ADCY9: variants seen among roughly 807,000 people sequenced by gnomAD.
ADCY9 encodes the protein adenylate cyclase type 9.
ADCY9 carries 50 observed loss-of-function variants against 101.5 expected under a neutral mutation model. The observed-to-expected ratio is 0.49, with a 90% CI of 0.39 to 0.62. The LOEUF (loss-of-function observed/expected upper bound fraction) is 0.62. Ranked by LOEUF, ADCY9 falls within the 20% of genes least tolerant of loss-of-function variation. The probability of loss-of-function intolerance (pLI) is 0.00; values close to 1 mark genes in which losing one functional copy is unlikely to be tolerated. For synonymous variants in ADCY9, 905 were observed against 769.3 expected (o/e 1.18, Z -2.92); for missense variants, 1,662 against 1,800.4 (o/e 0.92, Z 1.39).
intron 2 of ADCY9, among the ~76,000 whole-genome samples, chr16:4,077,862 G>C (rs2056877418): frequency 6.6e-6 from 1 of 151,526 alleles, no homozygotes; most frequent in African/African-American, 2.4e-5. Flanking sequence ...AATTAGCCAG[G>C]CGTGGTGGTG....
At position 4,114,970 on chromosome 16, in the gene ADCY9, C is replaced by A; in HGVS notation, c.473G>T (p.Gly158Val). The A allele has an allele frequency of 6.2e-7, 1 of 1,614,046 alleles. No homozygotes were observed. Among genetic ancestry groups the A allele is most frequent in the Non-Finnish European group, 8.5e-7 (1 of 1,180,030 alleles). Residue 158 changes from glycine (G) to valine (V), a missense_variant, in exon 2 of 11, where the codon GGC (glycine) becomes GTC (valine). Gly to Val is a moderately radical substitution (Grantham distance 109, BLOSUM62 -3). This residue lies in a region of ADCY9 where 422 missense variants were observed against 392.0 expected (regional missense o/e 1.08). Coordinates refer to ENST00000294016, the MANE Select transcript of ADCY9 (RefSeq NM_001116.4). The surrounding 1 kb of genome is among the most constrained non-coding windows in gnomAD (Gnocchi z 4.3). ...CTTGGTGAAGGTAAACAGAAAGAAG[C>A]CCACACACACCAGGAGGAAGCACAG... ...PALCFLLVCV[G>V]FFLFTFTKLY...
chr16:3,978,390 T>A (rs2056111332), intron 8 of ADCY9, among the ~76,000 whole-genome samples: 2 of 152,268 alleles, frequency 1.3e-5, no homozygotes, highest in South Asian at 4.1e-4. Context: ...GCCGTGCTGG[T>A]TCCCTCTCCA....
At chr16:4,065,837 G>A (rs962906977) in intron 2 of ADCY9, among the ~76,000 whole-genome samples, 4 of 152,210 alleles carry the variant, frequency 2.6e-5, no homozygotes, top group African/African-American at 9.6e-5. Flanking sequence ...CCAAAGTCCT[G>A]GGATTACAGG....
chr16:4,092,129 G>C (rs1394172124), intron 2 of ADCY9, among the ~76,000 whole-genome samples: 1 of 152,184 alleles, frequency 6.6e-6, no homozygotes, highest in Non-Finnish European at 1.5e-5. Flanking sequence ...AATTAGACAG[G>C]TGTGGTGGCG....
At chr16:3,979,382 G>T in intron 7 of ADCY9, 107 bp from the exon 8 acceptor site, 2 of 1,356,046 alleles carry the variant, frequency 1.5e-6, no homozygotes, top group South Asian at 1.3e-5. Flanking sequence ...TCTCTCCCGT[G>T]TTGCCCCTGG....
chr16:4,097,031 G>C (rs1200885507), intron 2 of ADCY9, among the ~76,000 whole-genome samples: 1 of 152,116 alleles, frequency 6.6e-6, no homozygotes. Flanking sequence ...GAATTACCAG[G>C]AGCTACAATA....
At chr16:4,058,665 A>T (rs1379420819) in intron 2 of ADCY9, among the ~76,000 whole-genome samples, 1 of 152,142 alleles carries the variant, frequency 6.6e-6, no homozygotes, top group Non-Finnish European at 1.5e-5. Flanking sequence ...ATGTGTGATC[A>T]GGAGGATAAA....
intron 7 of ADCY9, 194 bp downstream of exon 7, chr16:3,983,038 C>A: frequency 1.6e-6 from 1 of 615,108 alleles, no homozygotes; most frequent in South Asian, 2.1e-5. Context: ...GGTGGTCCCC[C>A]CGCATCTGGG....
At chr16:3,970,805 G>A (rs1446742890) in intron 10 of ADCY9, among the ~76,000 whole-genome samples, 1 of 152,218 alleles carries the variant, frequency 6.6e-6, no homozygotes, top group African/African-American at 2.4e-5. Context: ...GGACCGCGGG[G>A]GAGTTTCAGA....
intron 2 of ADCY9, among the ~76,000 whole-genome samples, chr16:4,033,108 G>A (rs1439061282): frequency 6.6e-6 from 1 of 152,158 alleles, no homozygotes; most frequent in Non-Finnish European, 1.5e-5. Flanking sequence ...GGTGCTACAA[G>A]ATGGCCATTC....
At chr16:4,097,483 T>TACACACACAC (rs1195233632) in intron 2 of ADCY9, among the ~76,000 whole-genome samples, 11 of 61,164 alleles carry the variant, frequency 1.8e-4, no homozygotes, top group Admixed American at 3.8e-4. Context: ...TATATATATA[T>TACACACACAC]ATATACACAC....
intron 3 of ADCY9, among the ~76,000 whole-genome samples, chr16:4,003,745 T>C (rs1194873202): frequency 1.3e-5 from 2 of 151,990 alleles, no homozygotes; most frequent in Non-Finnish European, 2.9e-5. Context: ...TTCTTCACAG[T>C]CGCAAAGCCA....
chr16:4,005,847 T>C (rs2056363518), intron 3 of ADCY9, among the ~76,000 whole-genome samples: 1 of 152,100 alleles, frequency 6.6e-6, no homozygotes, highest in Non-Finnish European at 1.5e-5. Flanking sequence ...TACAGCTCAG[T>C]TTGCAGGCTG....
At chr16:3,959,236 T>C (rs567130984), downstream of ADCY9, among the ~76,000 whole-genome samples, 26 of 152,100 alleles carry the variant, frequency 1.7e-4, no homozygotes, top group African/African-American at 6.3e-4. Context: ...TGGCACGCAC[T>C]TGTAGTCCTT....
At chr16:4,017,953 C>A (rs1176611043) in intron 2 of ADCY9, among the ~76,000 whole-genome samples, 1 of 152,226 alleles carries the variant, frequency 6.6e-6, no homozygotes, top group African/African-American at 2.4e-5. Context: ...GTGAGCCCAG[C>A]CACACCCGCA....
intron 2 of ADCY9, among the ~76,000 whole-genome samples, chr16:4,057,035 A>AACCC (rs2056743004): frequency 1.3e-5 from 1 of 78,952 alleles, no homozygotes; most frequent in African/African-American, 5.0e-5. Context: ...TACTGATGAA[A>AACCC]CCGCCCCCCC....
chr16:3,990,157 G>A (rs752448384), intron 5 of ADCY9, among the ~76,000 whole-genome samples: 21 of 152,132 alleles, frequency 1.4e-4, no homozygotes, highest in Non-Finnish European at 2.6e-4. Flanking sequence ...CCCTCATACA[G>A]TGACTATCAG....
Position 4,017,378 on chromosome 16 carries a change from C to T in ADCY9, c.1694-9820G>A, listed in dbSNP as rs973162999. 8.0e-5 allele frequency among the ~76,000 whole-genome samples: 12 copies of T among 149,908 alleles called. 1 individual carries two copies. The highest frequency in any genetic ancestry group is 2.4e-4 in the African/African-American group (10 of 41,248). ...AGATAATGTGGGCCAGGCATGGTGG[C>T]TCACACCTGTAATCCCAGCACTTTG... On this transcript the variant is annotated intron_variant, in intron 2 of 10. Transcript: ENST00000294016.
At chr16:3,998,072 C>T (rs977121498) in intron 3 of ADCY9, among the ~76,000 whole-genome samples, 3 of 151,924 alleles carry the variant, frequency 2.0e-5, no homozygotes, top group Non-Finnish European at 2.9e-5. Flanking sequence ...CCAGCCTGGG[C>T]GACAGAGCAA....
Sources: allele counts gnomAD v4.1 joint callset (sites outside exome capture counted in the v4.1 genomes callset), GRCh38; gene constraint gnomAD v4.1.1; regional missense constraint gnomAD v4.1.1; non-coding constraint Gnocchi (gnomAD v3.1); transcripts MANE v1.5; gene names NCBI Gene and HGNC (gene_info 2026-07-23, HGNC 2026-07-21).